Variants in SVOPL observed in about 807,000 individuals in gnomAD.
SVOPL encodes the protein putative transporter SVOPL.
A neutral mutation model predicts 61.0 loss-of-function variants in SVOPL; 60 were observed. The ratio of observed to expected loss-of-function variants is 0.98; its 90% confidence interval spans 0.80 to 1.22. The LOEUF (loss-of-function observed/expected upper bound fraction) is 1.22. Among genes scored for constraint, SVOPL ranks in the 50% most tolerant of loss-of-function variants. The pLI, the probability that SVOPL is intolerant of heterozygous loss-of-function variation, is 0.00. For synonymous variants in SVOPL, 279 were observed against 250.0 expected (o/e 1.12, Z -1.09); for missense variants, 662 against 643.9 (o/e 1.03, Z -0.30).
chr7:138,595,683 T>G (rs1798247537), intron 15 of SVOPL, among the ~76,000 whole-genome samples: 2 of 152,184 alleles, frequency 1.3e-5, no homozygotes, highest in South Asian at 2.1e-4. Context: ...GTGTCTTAGT[T>G]TCCTCATTTG....
At chr7:138,614,975 CA>C (rs1419891748) in intron 14 of SVOPL, among the ~76,000 whole-genome samples, 1 of 152,072 alleles carries the variant, frequency 6.6e-6, no homozygotes, top group African/African-American at 2.4e-5. Context: ...TTGCATTACC[CA>C]AATCACAGCC....
chr7:138,617,071 C>T (rs1046798913), intron 14 of SVOPL, among the ~76,000 whole-genome samples: 1 of 152,162 alleles, frequency 6.6e-6, no homozygotes, highest in South Asian at 2.1e-4. Context: ...CAGGTTCAAG[C>T]GATTCTTATG....
At chr7:138,688,505 A>T (rs200588091) in intron 1 of SVOPL, among the ~76,000 whole-genome samples, 3 of 152,110 alleles carry the variant, frequency 2.0e-5, no homozygotes, top group African/African-American at 7.2e-5. Context: ...CCTGACCTCC[A>T]GTGGTCCACC....
chr7:138,661,391 T>C, intron 5 of SVOPL: 2 of 985,348 alleles, frequency 2.0e-6, no homozygotes, highest in Non-Finnish European at 2.4e-6. Context: ...ATCCATCAAC[T>C]TGAGAGAGAA....
intron 1 of SVOPL, among the ~76,000 whole-genome samples, chr7:138,694,766 A>T (rs1208870261): frequency 2.0e-5 from 3 of 152,082 alleles, no homozygotes; most frequent in Non-Finnish European, 4.4e-5. Flanking sequence ...GTTTTGAGAC[A>T]GAGTTTCGCT....
intron 1 of SVOPL, among the ~76,000 whole-genome samples, chr7:138,686,691 G>A (rs1460081421): frequency 2.0e-5 from 3 of 147,464 alleles, no homozygotes; most frequent in African/African-American, 5.0e-5. Context: ...TCAGCCTCCC[G>A]AGTAGCATGC....
At position 138,627,403 on chromosome 7, in the gene SVOPL, A is replaced by G. The variant is rs771110554; in HGVS notation, c.1128T>C (p.Ile376=). 3 of 1,613,712 alleles carry G rather than the reference A, an allele frequency of 1.9e-6. No homozygotes were observed. The highest frequency in any genetic ancestry group is 2.5e-6 in the Non-Finnish European group (3 of 1,179,714). ...NFLGRRLSLS[I]TMGCTALFFL... ...AGAATAAAGCCGTGCATCCCATGGT[A>G]ATAGAAAGGCTCAGCCGTCTTCCCA... Residue 376 remains isoleucine (I), a synonymous_variant, in exon 12 of 16, where the codon ATT becomes ATC. Transcript: ENST00000674285.
rs1011068082 is a variant in SVOPL at position 138,611,242 on chromosome 7, G to T, written c.1353+9804C>A. ...AAAATAAAAAAATTAGTGGGGCATG[G>T]TGGTGTGCGCCTGTAGTCCTAGCTA... On this transcript the variant is annotated intron_variant, in intron 14 of 15. Transcript: ENST00000674285. 3.9e-5 allele frequency among the ~76,000 whole-genome samples: 6 copies of T among 152,264 alleles called. No homozygotes were observed. In the East Asian group the frequency reaches 1.2e-3, roughly 29 times the overall value.
intron 4 of SVOPL, 75 bp downstream of exon 4, chr7:138,671,938 GGCTCTC>G (rs1802429584): frequency 7.7e-7 from 1 of 1,293,880 alleles, no homozygotes; most frequent in African/African-American, 1.5e-5. Flanking sequence ...GACACCCTTT[GGCTCTC>G]AGCCCTGCAG....
intron 14 of SVOPL, among the ~76,000 whole-genome samples, chr7:138,603,385 T>C (rs1285746909): frequency 1.3e-5 from 2 of 152,152 alleles, no homozygotes; most frequent in African/African-American, 4.8e-5. Context: ...GGATGTATTT[T>C]AAGATCAGCT....
rs573602372 is a variant in SVOPL at position 138,599,801 on chromosome 7, T to C, written c.1354-3271A>G. 1.1e-3 allele frequency among the ~76,000 whole-genome samples: 167 copies of C among 151,066 alleles called. 1 individual carries two copies. Among genetic ancestry groups the C allele is most frequent in the African/African-American group, 3.8e-3 (157 of 41,108 alleles). On this transcript the variant is annotated intron_variant, in intron 14 of 15. Coordinates refer to ENST00000674285, the MANE Select transcript of SVOPL (RefSeq NM_001139456.2). ...TACTCGGGAGGCTGAGACAGGAGAATTGCTTGAACCCAGGAGGCAGAGGTT... is the reference window on the plus strand; with the variant it reads ...TACTCGGGAGGCTGAGACAGGAGAACTGCTTGAACCCAGGAGGCAGAGGTT...
intron 4 of SVOPL, chr7:138,664,268 G>C (rs1471410070): frequency 1.0e-6 from 1 of 977,214 alleles, no homozygotes; most frequent in Admixed American, 6.6e-5. Context: ...ACCCTCCAGC[G>C]TCCTTGAGCT....
At chr7:138,674,226 G>C (rs1371582273) in intron 3 of SVOPL, among the ~76,000 whole-genome samples, 2 of 151,000 alleles carry the variant, frequency 1.3e-5, no homozygotes, top group Non-Finnish European at 3.0e-5. Context: ...CACATACACA[G>C]AAGACCAGGA....
chr7:138,611,832 C>T (rs1313260050), intron 14 of SVOPL, among the ~76,000 whole-genome samples: 2 of 64,052 alleles, frequency 3.1e-5, no homozygotes, highest in Non-Finnish European at 3.2e-5. Flanking sequence ...CAGCCGCCTG[C>T]CTTGGCCTCC....
rs371255085 is a variant in SVOPL, at chr7:138,674,672, C to T, written c.175-2555G>A. Among the ~76,000 whole-genome samples, 498 of 151,848 alleles carry T rather than the reference C, an allele frequency of 3.3e-3. 4 individuals are homozygous for T. Among genetic ancestry groups the T allele is most frequent in the African/African-American group, 0.012 (479 of 41,394 alleles). On this transcript the variant is annotated intron_variant, in intron 3 of 15. Coordinates refer to ENST00000674285, the MANE Select transcript of SVOPL (RefSeq NM_001139456.2). ...GAGATCGAGACCATCCTGGCTAACA[C>T]GGTGAAACCCTGTCTCTACTAAAAA...
At position 138,700,679 on chromosome 7, in the gene SVOPL, A is replaced by AGGATGGATGGAT. The variant is rs35740951; in HGVS notation, c.-35+487_-35+498dup. ...TCTAAATCCTTTCTAACCCAGTAAG[A>AGGATGGATGGAT]GGATGGATGGATGGATGGATGGATG... On this transcript the variant is annotated intron_variant, in intron 1 of 15. Transcript: ENST00000674285. Among the ~76,000 whole-genome samples, 1,076 of 148,920 alleles carry AGGATGGATGGAT rather than the reference A, an allele frequency of 7.2e-3. 5 individuals are homozygous for AGGATGGATGGAT. Among genetic ancestry groups the AGGATGGATGGAT allele is most frequent in the South Asian group, 9.1e-3 (42 of 4,598 alleles).
At chr7:138,661,577 G>C in intron 5 of SVOPL, 1 of 985,168 alleles carries the variant, frequency 1.0e-6, no homozygotes, top group Non-Finnish European at 1.2e-6. Context: ...TACCTAAAAG[G>C]TTACCGCAAG....
chr7:138,608,141 C>T (rs1383384494), intron 14 of SVOPL, among the ~76,000 whole-genome samples: 2 of 152,180 alleles, frequency 1.3e-5, no homozygotes, highest in Admixed American at 6.5e-5. Flanking sequence ...AAGAGACAAA[C>T]CTTGTTCTTG....
chr7:138,607,184 A>G (rs1052511626), intron 14 of SVOPL, among the ~76,000 whole-genome samples: 1 of 152,172 alleles, frequency 6.6e-6, no homozygotes, highest in Non-Finnish European at 1.5e-5. Context: ...TGAGACATCC[A>G]GGCGAAAATG....
Sources: allele counts gnomAD v4.1 joint callset (sites outside exome capture counted in the v4.1 genomes callset), GRCh38; gene constraint gnomAD v4.1.1; transcripts MANE v1.5; gene names NCBI Gene and HGNC (gene_info 2026-07-23, HGNC 2026-07-21).